PTH2R: variants seen among roughly 807,000 people sequenced by gnomAD.
PTH2R encodes PTH2 receptor.
In PTH2R, 59 loss-of-function variants were observed where a neutral mutation model predicts 60.3. The ratio of observed to expected loss-of-function variants is 0.98; its 90% CI spans 0.79 to 1.22. The LOEUF (loss-of-function observed/expected upper bound fraction) is 1.22. PTH2R is among the 50% of genes most tolerant of loss of function. The pLI, the probability that PTH2R is intolerant of heterozygous loss-of-function variation, is 0.00. For missense variants in PTH2R, 749 were observed against 682.6 expected, an observed-to-expected ratio of 1.10 and a Z score of -1.08; for synonymous variants, 256 against 243.8, an observed-to-expected ratio of 1.05 and a Z score of -0.47.
rs368882772 is a variant in PTH2R, at chr2:208,437,864, G to A, written c.394G>A (p.Asp132Asn). 6.3e-5 allele frequency: 101 copies of A among 1,613,430 alleles called. No individual in the cohort carries two copies. Among genetic ancestry groups the A allele is most frequent in the Admixed American group, 2.2e-4 (13 of 59,982 alleles). The stretch of plus-strand genomic sequence containing the variant: ...AGACTGCCTTCGCTTTCTGCAGCCA[G>A]ATATCAGCATAGGAAAGGTAATGGA... ...YSDCLRFLQP[D>N]ISIGKQEFFE... Residue 132 changes from aspartate to asparagine, a missense_variant, in exon 4 of 13, where the codon GAT becomes AAT. Coordinates refer to ENST00000272847, the MANE Select transcript of PTH2R (RefSeq NM_005048.4).
chr2:208,365,842 A>G (rs1312152192), intron 1 of PTH2R, among the ~76,000 whole-genome samples: 1 of 140,650 alleles, frequency 7.1e-6, no homozygotes, highest in African/African-American at 2.6e-5. Context: ...GGGCTCAAGC[A>G]ATTCTGCTTC....
At chr2:208,391,172 T>C (rs1701101416) in intron 1 of PTH2R, among the ~76,000 whole-genome samples, 1 of 152,204 alleles carries the variant, frequency 6.6e-6, no homozygotes, top group Non-Finnish European at 1.5e-5. Context: ...TGGGCTTTCA[T>C]GAATTGTGCT....
At chr2:208,444,695 G>A in intron 6 of PTH2R, 39 bp from the exon 7 acceptor site, 7 of 1,586,224 alleles carry the variant, frequency 4.4e-6, no homozygotes, top group Non-Finnish European at 6.0e-6. Context: ...GTACAACAAA[G>A]TGTTCTAATA....
chr2:208,363,007 C>T (rs1700508823), intron 1 of PTH2R, among the ~76,000 whole-genome samples: 1 of 151,990 alleles, frequency 6.6e-6, no homozygotes, highest in Non-Finnish European at 1.5e-5. Context: ...CTATTCAAGT[C>T]TTTTGTCTAT....
chr2:208,371,957 T>C (rs1700710017), intron 1 of PTH2R, among the ~76,000 whole-genome samples: 1 of 152,110 alleles, frequency 6.6e-6, no homozygotes. Flanking sequence ...AGTCTCACTC[T>C]GTCACCTGGG....
intron 9 of PTH2R, 106 bp downstream of exon 9, chr2:208,460,067 A>G: frequency 1.1e-6 from 1 of 920,058 alleles, no homozygotes; most frequent in Non-Finnish European, 1.7e-6. Context: ...GATCTGAGAA[A>G]CTGACAAGTA....
In PTH2R at chr2:208,428,180, G is replaced by A. The variant is rs376844741; in HGVS notation, c.76-21G>A. 26 of 1,545,734 alleles carry A rather than the reference G, an allele frequency of 1.7e-5. No individual in the cohort carries two copies. In the African/African-American group the frequency reaches 2.0e-4, roughly 12 times the overall value. On this transcript the variant is annotated intron_variant, in intron 1 of 12. Coordinates refer to ENST00000272847, the MANE Select transcript of PTH2R (RefSeq NM_005048.4). Reference sequence around the variant, plus strand: ...TTGAAAAAACATGATGAAAATGTTTGTATTTTGTTCACTTCTACAGCTGGA... The same window carrying A: ...TTGAAAAAACATGATGAAAATGTTTATATTTTGTTCACTTCTACAGCTGGA...
chr2:208,365,921 AATAGATAAATAT>A (rs1482932152), intron 1 of PTH2R, among the ~76,000 whole-genome samples: 15 of 88,522 alleles, frequency 1.7e-4, no homozygotes, highest in African/African-American at 5.8e-4. Flanking sequence ...TATATAATAT[AATAGATAAATAT>A]ATATATATAT....
At chr2:208,372,475 C>A (rs1455537049) in intron 1 of PTH2R, among the ~76,000 whole-genome samples, 1 of 151,976 alleles carries the variant, frequency 6.6e-6, no homozygotes, top group Non-Finnish European at 1.5e-5. Flanking sequence ...ATAATATACC[C>A]TAAGTTTGAT....
At chr2:208,465,396 T>C (rs1320623154) in intron 9 of PTH2R, among the ~76,000 whole-genome samples, 1 of 109,086 alleles carries the variant, frequency 9.2e-6, no homozygotes, top group Non-Finnish European at 1.9e-5. Flanking sequence ...GTCTTTTTTT[T>C]TTTTTTTTTT....
At chr2:208,448,446 C>T (rs891584469) in intron 7 of PTH2R, among the ~76,000 whole-genome samples, 9 of 151,306 alleles carry the variant, frequency 5.9e-5, no homozygotes, top group Admixed American at 1.3e-4. Flanking sequence ...GTCAGGAGAT[C>T]GAGACAATCC....
At chr2:208,406,392 T>C (rs1055511122), upstream of PTH2R, among the ~76,000 whole-genome samples, 1 of 152,146 alleles carries the variant, frequency 6.6e-6, no homozygotes, top group Non-Finnish European at 1.5e-5. Context: ...AGAAAATGAA[T>C]CAGAGCATTT....
chr2:208,366,835 C>T (rs1243849686), intron 1 of PTH2R, among the ~76,000 whole-genome samples: 2 of 152,158 alleles, frequency 1.3e-5, no homozygotes, highest in African/African-American at 4.8e-5. Flanking sequence ...ATAACCAGAC[C>T]GTAGCTTACA....
rs570680820 is a variant in PTH2R, at chr2:208,435,883, G to A, written c.179-1654G>A. On this transcript the variant is annotated intron_variant, in intron 2 of 12. Transcript: ENST00000272847. ...AAGTTTGTGGTAATCTGTTACAGTA[G>A]CAATGGAAAACTAATACAGCAGTCA... is the stretch of plus-strand genomic sequence containing the variant. Among the ~76,000 whole-genome samples the A allele has an allele frequency of 2.6e-5, 4 of 152,334 alleles. No individual in the cohort carries two copies. In the South Asian group the frequency reaches 6.2e-4, roughly 24 times the overall value.
chr2:208,453,619 A>C (rs1407739516), intron 8 of PTH2R, among the ~76,000 whole-genome samples: 1 of 152,200 alleles, frequency 6.6e-6, no homozygotes, highest in Non-Finnish European at 1.5e-5. Flanking sequence ...GATTCGGCTG[A>C]CCATTTTTTC....
intron 7 of PTH2R, among the ~76,000 whole-genome samples, chr2:208,449,341 T>C (rs1702353351): frequency 6.6e-6 from 1 of 152,156 alleles, no homozygotes; most frequent in African/African-American, 2.4e-5. Flanking sequence ...AATATAAGTT[T>C]TAGAAAACAG....
At chr2:208,423,214 T>G (rs1049851754) in intron 1 of PTH2R, among the ~76,000 whole-genome samples, 1 of 152,178 alleles carries the variant, frequency 6.6e-6, no homozygotes, top group African/African-American at 2.4e-5. Context: ...TCTTTTCTAA[T>G]GGATGTATTT....
chr2:208,460,297 G>T (rs1398305008), intron 9 of PTH2R, among the ~76,000 whole-genome samples: 2 of 152,120 alleles, frequency 1.3e-5, no homozygotes, highest in Admixed American at 1.3e-4. Context: ...CTGATCACCT[G>T]GTAGTAGGTC....
At chr2:208,430,356 G>T (rs1455463330) in intron 2 of PTH2R, among the ~76,000 whole-genome samples, 1 of 151,782 alleles carries the variant, frequency 6.6e-6, no homozygotes. Context: ...CTCAGTTTTT[G>T]TCTGTTGGAA....
Sources: gnomAD v4.1 joint callset for allele counts (sites outside exome capture counted in the v4.1 genomes callset) on GRCh38, gnomAD v4.1.1 for gene constraint, MANE v1.5 for transcripts, NCBI Gene and HGNC (gene_info 2026-07-23, HGNC 2026-07-21) for gene names.